The following AGBL4 variants were observed in gnomAD, a reference collection of about 807,000 sequenced individuals.
AGBL4 encodes the protein AGBL carboxypeptidase 4.
In AGBL4, 58 loss-of-function variants were observed where a neutral mutation model predicts 66.4. That is an observed-to-expected ratio of 0.87 (90% CI 0.71 to 1.09). AGBL4 has a LOEUF of 1.09. Among genes scored for constraint, AGBL4 ranks in the 50% least tolerant of loss-of-function variants. The pLI is 0.00. For synonymous variants in AGBL4, 234 were observed against 222.9 expected (o/e 1.05, Z -0.44); for missense variants, 579 against 631.0 (o/e 0.92, Z 0.88).
chr1:49,343,197 C>G (rs1293902498), intron 3 of AGBL4, among the ~76,000 whole-genome samples: 1 of 151,978 alleles, frequency 6.6e-6, no homozygotes, highest in Non-Finnish European at 1.5e-5. Context: ...AAGGTGAATT[C>G]TGACAGCATA....
At chr1:48,528,007 A>C (rs1371825774), downstream of AGBL4, among the ~76,000 whole-genome samples, 1 of 152,158 alleles carries the variant, frequency 6.6e-6, no homozygotes, top group East Asian at 1.9e-4. Flanking sequence ...TCCAGGTAGG[A>C]AATAATGGTG....
chr1:49,269,261 G>A (rs1231936048), intron 3 of AGBL4: 3 of 152,162 alleles, frequency 2.0e-5, no homozygotes, highest in Non-Finnish European at 4.4e-5. Flanking sequence ...TTGGCCCATG[G>A]ACTTAACGAG....
rs111502919 is a variant in AGBL4 at position 49,769,216 on chromosome 1, CCACACA to C, written c.158-71785_158-71780del. ...AATAACACAATCTCATTTGTAATAG[CCACACA>C]CACACACACACACACATACACAAAC... is the stretch of plus-strand genomic sequence containing the variant. On this transcript the variant is annotated intron_variant, in intron 2 of 13. Coordinates refer to ENST00000371839, the MANE Select transcript of AGBL4 (RefSeq NM_032785.4). Among the ~76,000 whole-genome samples the C allele has an allele frequency of 4.7e-4, 70 of 147,848 alleles. 1 individual carries two copies. The highest frequency in any genetic ancestry group is 1.6e-3 in the African/African-American group (63 of 40,452).
chr1:49,483,073 A>C, intron 3 of AGBL4, among the ~76,000 whole-genome samples: 1 of 152,044 alleles, frequency 6.6e-6, no homozygotes, highest in African/African-American at 2.4e-5. Flanking sequence ...CCATGTGGAA[A>C]TGAGAAGAAT....
intron 6 of AGBL4, among the ~76,000 whole-genome samples, chr1:48,824,919 C>A (rs148783331): frequency 1.3e-5 from 2 of 152,320 alleles, no homozygotes; most frequent in East Asian, 3.9e-4. Flanking sequence ...GTAAAACTGG[C>A]AAATCTCTTA....
At position 49,323,896 on chromosome 1, in the gene AGBL4, T is replaced by C. The variant is rs12033993; in HGVS notation, c.283-78032A>G. Reference sequence around the variant, plus strand: ...AATTAGTTTCTCCTTTGTACTCTCTTAGCATTTAGTTTATAATGAATTCTA... The same window carrying C: ...AATTAGTTTCTCCTTTGTACTCTCTCAGCATTTAGTTTATAATGAATTCTA... On this transcript the variant is annotated intron_variant, in intron 3 of 13. Coordinates refer to ENST00000371839, the MANE Select transcript of AGBL4 (RefSeq NM_032785.4). Among the ~76,000 whole-genome samples the C allele has an allele frequency of 1.8e-4, 28 of 152,314 alleles. 2 individuals are homozygous for C. In the East Asian group the frequency reaches 5.4e-3, roughly 29 times the overall value.
intron 11 of AGBL4, among the ~76,000 whole-genome samples, chr1:48,551,765 C>A (rs1042100194): frequency 3.9e-5 from 6 of 151,920 alleles, no homozygotes; most frequent in Non-Finnish European, 8.8e-5. Context: ...ATCTCTAGTT[C>A]TAATTCTCAC....
intron 3 of AGBL4, among the ~76,000 whole-genome samples, chr1:49,653,016 G>A (rs1239864301): frequency 6.6e-6 from 1 of 152,102 alleles, no homozygotes; most frequent in East Asian, 1.9e-4. Context: ...CTGACTGGGT[G>A]AGACCTCCCA....
In AGBL4 at chr1:49,229,444, C is replaced by T. The variant is rs552810743; in HGVS notation, c.377+16326G>A. Among the ~76,000 whole-genome samples the T allele has an allele frequency of 2.6e-5, 4 of 152,216 alleles. No individual in the cohort carries two copies. In the South Asian group the frequency reaches 8.3e-4, roughly 32 times the overall value. ...TTGCCAACATAGTCTAGAAAAACTA[C>T]CTGCACGTGGTCCTGTTTAAAGAAA... On this transcript the variant is annotated intron_variant, in intron 4 of 13. Transcript: ENST00000371839.
chr1:49,875,402 C>A (rs1324127958), intron 1 of AGBL4, among the ~76,000 whole-genome samples: 1 of 134,792 alleles, frequency 7.4e-6, no homozygotes, highest in Non-Finnish European at 1.6e-5. Context: ...TGAGAATATG[C>A]GGTGTTTGGT....
chr1:48,569,496 C>G (rs1644526263), intron 11 of AGBL4, among the ~76,000 whole-genome samples: 1 of 152,142 alleles, frequency 6.6e-6, no homozygotes. Context: ...TTTCCAGGAG[C>G]CCAGAACCTA....
chr1:48,866,315 G>A (rs1242488673), intron 6 of AGBL4, among the ~76,000 whole-genome samples: 3 of 152,108 alleles, frequency 2.0e-5, no homozygotes, highest in Non-Finnish European at 2.9e-5. Flanking sequence ...TTGGTAATTA[G>A]TCATCCCCTG....
intron 3 of AGBL4, among the ~76,000 whole-genome samples, chr1:49,516,940 T>C (rs1025135884): frequency 6.6e-6 from 1 of 152,050 alleles, no homozygotes; most frequent in African/African-American, 2.4e-5. Flanking sequence ...TTTCATATAA[T>C]AAAAACGATA....
At chr1:49,483,252 C>G (rs1159656038) in intron 3 of AGBL4, among the ~76,000 whole-genome samples, 1 of 151,952 alleles carries the variant, frequency 6.6e-6, no homozygotes, top group Non-Finnish European at 1.5e-5. Context: ...GTCTAAATCT[C>G]TTTGAGGATC....
chr1:50,005,923 G>A (rs960423029), intron 1 of AGBL4, among the ~76,000 whole-genome samples: 2 of 152,148 alleles, frequency 1.3e-5, no homozygotes, highest in African/African-American at 4.8e-5. Flanking sequence ...AAGAATTAGT[G>A]AGCTTAAAGG....
intron 5 of AGBL4, among the ~76,000 whole-genome samples, chr1:49,035,554 C>T (rs1449883377): frequency 6.6e-6 from 1 of 152,130 alleles, no homozygotes; most frequent in African/African-American, 2.4e-5. Flanking sequence ...CATGTGCATG[C>T]TTGAGCCCAC....
chr1:49,118,124 G>A (rs998038516), intron 4 of AGBL4, among the ~76,000 whole-genome samples: 6 of 152,088 alleles, frequency 3.9e-5, no homozygotes, highest in African/African-American at 9.7e-5. Flanking sequence ...GGGCTGAGAC[G>A]ATGGGGTTTT....
intron 6 of AGBL4, among the ~76,000 whole-genome samples, chr1:48,715,243 T>A (rs1647030664): frequency 6.6e-6 from 1 of 152,116 alleles, no homozygotes; most frequent in African/African-American, 2.4e-5. Context: ...CGGGCCCAGC[T>A]CTCACCTGAG....
intron 4 of AGBL4, among the ~76,000 whole-genome samples, chr1:49,057,006 T>G (rs1339612439): frequency 1.3e-5 from 2 of 152,208 alleles, no homozygotes; most frequent in Admixed American, 1.3e-4. Context: ...GTCTACTACA[T>G]TTCCATGTTT....
Sources: gnomAD v4.1 joint callset for allele counts (sites outside exome capture counted in the v4.1 genomes callset) on GRCh38, gnomAD v4.1.1 for gene constraint, MANE v1.5 for transcripts, NCBI Gene and HGNC (gene_info 2026-07-23, HGNC 2026-07-21) for gene names.